The following C2orf72 variants were observed in gnomAD, a reference collection of about 807,000 sequenced individuals.
C2orf72 encodes uncharacterized protein C2orf72.
In C2orf72, 16 loss-of-function variants were observed where a neutral mutation model predicts 14.4. The observed-to-expected ratio is 1.11, with a 90% CI of 0.75 to 1.69. C2orf72 has a LOEUF of 1.69. Among genes scored for constraint, C2orf72 ranks in the 40% most tolerant of loss-of-function variants. The pLI is 0.00. For synonymous variants in C2orf72, 168 were observed against 176.8 expected (o/e 0.95, Z 0.40); for missense variants, 371 against 358.3 (o/e 1.04, Z -0.29).
Position 231,038,103 on chromosome 2 carries a change from C to G in C2orf72, c.538C>G (p.Gln180Glu). 1 of 1,136,014 alleles carries G rather than the reference C, an allele frequency of 8.8e-7. No individual in the cohort carries two copies. 70.4% of individuals were successfully genotyped at this position (1,136,014 alleles called of 1,614,324 possible). A position where few individuals can be genotyped will look rare whatever the true frequency, so the allele number is the denominator to read the frequency against. The change falls in exon 1 of 3, where the codon CAG becomes GAG. Residue 180 changes from glutamine to glutamate, a missense_variant. Transcript: ENST00000373640. ...VFGRQAGGPV[Q>E]AAAYCPGLPA... ...CGGCCGCCAGGCGGGGGGGCCCGTGCAGGCGGCCGCCTACTGCCCCGGCCT... is the reference window on the plus strand; with the variant it reads ...CGGCCGCCAGGCGGGGGGGCCCGTGGAGGCGGCCGCCTACTGCCCCGGCCT...
chr2:231,043,438 T>C (rs1356986685), intron 2 of C2orf72, among the ~76,000 whole-genome samples: 1 of 152,178 alleles, frequency 6.6e-6, no homozygotes, highest in African/African-American at 2.4e-5. Flanking sequence ...GAAACATCAT[T>C]CACTTAATTC....
Position 231,047,017 on chromosome 2 carries a change from G to A in C2orf72, c.884G>A (p.Arg295Lys). Residue 295 changes from arginine (R) to lysine (K), a missense_variant, in exon 3 of 3, where the codon AGA becomes AAA. Coordinates refer to ENST00000373640, the MANE Select transcript of C2orf72 (RefSeq NM_001144994.2). ...CCTGCTGAGCCCACCGGAGACTCAA[G>A]ATGAAGGCTGGACCCTTGCGCTGTC... The part of the protein sequence containing the change: ...HTPAEPTGDS[R>K] The A allele has an allele frequency of 6.4e-7, 1 of 1,551,664 alleles. No homozygotes were observed. Among genetic ancestry groups the A allele is most frequent in the Non-Finnish European group, 8.7e-7 (1 of 1,146,994 alleles).
chr2:231,043,961 G>A (rs891154987), intron 2 of C2orf72, among the ~76,000 whole-genome samples: 10 of 152,250 alleles, frequency 6.6e-5, no homozygotes, highest in East Asian at 1.9e-4. Context: ...TATGCTATGC[G>A]GCATAGCCTA....
chr2:231,040,160 G>A (rs1693320740), intron 1 of C2orf72, among the ~76,000 whole-genome samples: 1 of 152,066 alleles, frequency 6.6e-6, no homozygotes, highest in African/African-American at 2.4e-5. Context: ...TCCTCCTCCG[G>A]GAAGCCTCCC....
chr2:231,041,889 G>A (rs552316584), intron 2 of C2orf72, among the ~76,000 whole-genome samples: 3 of 152,082 alleles, frequency 2.0e-5, no homozygotes, highest in Non-Finnish European at 2.9e-5. Context: ...CTGGGAGTGA[G>A]GTGCAGAAGG....
chr2:231,045,994 A>G (rs1196412710), intron 2 of C2orf72, among the ~76,000 whole-genome samples: 1 of 152,136 alleles, frequency 6.6e-6, no homozygotes, highest in Non-Finnish European at 1.5e-5. Flanking sequence ...TTCTTTTTTG[A>G]GGTAATTCTA....
rs1197137525 is a variant in C2orf72, at chr2:231,038,063, G to C, written c.498G>C (p.Leu166=). 1 of 1,124,960 alleles carries C rather than the reference G, an allele frequency of 8.9e-7. No homozygotes were observed. The highest frequency in any genetic ancestry group is 1.1e-6 in the Non-Finnish European group (1 of 920,560). 69.7% of individuals were successfully genotyped at this position (1,124,960 alleles called of 1,614,324 possible). The change falls in exon 1 of 3, where the codon CTG becomes CTC. Residue 166 remains leucine (L), a synonymous_variant. Coordinates refer to ENST00000373640, the MANE Select transcript of C2orf72 (RefSeq NM_001144994.2). ...CGGGGCTGCGGCTGCTGGAGGCGCT[G>C]TTGCGCGCCGTGTTCGGCCGCCAGG... The part of the protein sequence containing the change: ...VAPGLRLLEA[L]LRAVFGRQAG...
chr2:231,043,312 A>G (rs1208012029), intron 2 of C2orf72, among the ~76,000 whole-genome samples: 1 of 151,878 alleles, frequency 6.6e-6, no homozygotes, highest in Non-Finnish European at 1.5e-5. Context: ...GCCCATCCAG[A>G]CTCAAGGAAG....
chr2:231,045,408 T>G (rs1057340236), intron 2 of C2orf72, among the ~76,000 whole-genome samples: 1 of 152,182 alleles, frequency 6.6e-6, no homozygotes, highest in South Asian at 2.1e-4. Flanking sequence ...TTAGGTTGTT[T>G]CCACCAGCAT....
Position 231,041,337 on chromosome 2 carries a change from G to T in C2orf72, c.676G>T (p.Ala226Ser). The change falls in exon 2 of 3, where the codon GCC (alanine) becomes TCC (serine). Residue 226 changes from alanine to serine, a missense_variant. Transcript: ENST00000373640. ...WERPGLPGLL[A>S]CFSWGPWSRR... ...GAGGCCAGGCCTCCCCGGACTGCTAGCCTGCTTTTCCTGGGGTCCCTGGAG... is the reference window on the plus strand; with the variant it reads ...GAGGCCAGGCCTCCCCGGACTGCTATCCTGCTTTTCCTGGGGTCCCTGGAG... 9.0e-6 allele frequency: 14 copies of T among 1,551,572 alleles called. No homozygotes were observed. Among genetic ancestry groups the T allele is most frequent in the Non-Finnish European group, 7.8e-6 (9 of 1,146,936 alleles).
At chr2:231,040,501 G>A (rs966104891) in intron 1 of C2orf72, among the ~76,000 whole-genome samples, 30 of 152,240 alleles carry the variant, frequency 2.0e-4, no homozygotes, top group Non-Finnish European at 3.5e-4. Context: ...ACTAAAGGTC[G>A]TGAGTGGAAT....
chr2:231,040,120 C>T (rs1693319950), intron 1 of C2orf72, among the ~76,000 whole-genome samples: 1 of 152,144 alleles, frequency 6.6e-6, no homozygotes, highest in South Asian at 2.1e-4. Context: ...CTCACCTGGC[C>T]AATCCCATTT....
chr2:231,041,175 A>T, intron 1 of C2orf72, 121 bp from the exon 2 acceptor site: 1 of 675,710 alleles, frequency 1.5e-6, no homozygotes, highest in Non-Finnish European at 2.4e-6. Flanking sequence ...TGTGTTTTTA[A>T]TCAGACAGTT....
At position 231,041,426 on chromosome 2, in the gene C2orf72, C is replaced by T; in HGVS notation, c.748+17C>T. 6.6e-7 allele frequency: 1 copy of T among 1,522,934 alleles called. No individual in the cohort carries two copies. The highest frequency in any genetic ancestry group is 8.9e-7 in the Non-Finnish European group (1 of 1,121,886). 94.3% of individuals were successfully genotyped at this position (1,522,934 alleles called of 1,614,324 possible). A position where few individuals can be genotyped will look rare whatever the true frequency, so the allele number is the denominator to read the frequency against. On this transcript the variant is annotated intron_variant, in intron 2 of 2. Coordinates refer to ENST00000373640, the MANE Select transcript of C2orf72 (RefSeq NM_001144994.2). ...CAGCTCAGGGTGAGTGCTCCCCGAC[C>T]TCCTGCATCCTGAGGGCCAGGTGCA...
chr2:231,045,675 C>A (rs1321177189), intron 2 of C2orf72, among the ~76,000 whole-genome samples: 1 of 152,014 alleles, frequency 6.6e-6, no homozygotes, highest in Non-Finnish European at 1.5e-5. Context: ...CCCGCCACCA[C>A]GCCCAGCTAA....
At position 231,047,159 on chromosome 2, in the gene C2orf72, G is replaced by C. The variant is rs1381062712; in HGVS notation, c.*138G>C. ...CTGCCACACTCACAGTTACCAGCTAGACAGTGGGGCTTACTAAGACAAGCA... is the reference window on the plus strand; with the variant it reads ...CTGCCACACTCACAGTTACCAGCTACACAGTGGGGCTTACTAAGACAAGCA... On this transcript the variant is annotated 3_prime_UTR_variant, in exon 3 of 3. Transcript: ENST00000373640. 5 of 1,054,062 alleles carry C rather than the reference G, an allele frequency of 4.7e-6. No homozygotes were observed. In the Admixed American group the frequency reaches 6.0e-5, roughly 13 times the overall value. 65.3% of individuals were successfully genotyped at this position (1,054,062 alleles called of 1,614,324 possible).
intron 2 of C2orf72, 34 bp from the exon 3 acceptor site, chr2:231,046,848 T>C: frequency 6.5e-7 from 1 of 1,533,152 alleles, no homozygotes; most frequent in Non-Finnish European, 8.8e-7. Flanking sequence ...AACCTTTCTC[T>C]TCTGATTCAG....
chr2:231,039,003 A>G (rs909696727), intron 1 of C2orf72, among the ~76,000 whole-genome samples: 5 of 152,166 alleles, frequency 3.3e-5, no homozygotes, highest in African/African-American at 1.2e-4. Context: ...ACAAGGCTTT[A>G]CAGGAACTCT....
chr2:231,041,014 T>G (rs1693332746), intron 1 of C2orf72: 2 of 260,960 alleles, frequency 7.7e-6, no homozygotes, highest in Non-Finnish European at 1.4e-5. Context: ...TTGTAATTAA[T>G]TTCATGTCAT....
Sources: gnomAD v4.1 joint callset for allele counts (sites outside exome capture counted in the v4.1 genomes callset) on GRCh38, gnomAD v4.1.1 for gene constraint, MANE v1.5 for transcripts, NCBI Gene and HGNC (gene_info 2026-07-23, HGNC 2026-07-21) for gene names.